Variants in ZNF483 observed in about 807,000 individuals in gnomAD.
ZNF483 encodes the protein zinc finger protein 483, also known as zinc finger protein HIT-10.
Under a neutral mutation model 28.6 loss-of-function variants are expected in ZNF483, and 9 were observed. The observed-to-expected ratio is 0.32, with a 90% confidence interval of 0.19 to 0.55. The LOEUF (loss-of-function observed/expected upper bound fraction) is 0.55, where lower values mean the gene tolerates loss of function less well. ZNF483 is among the 20% of genes least tolerant of loss of function. The pLI, the probability that ZNF483 is intolerant of heterozygous loss-of-function variation, is 0.93. For missense variants in ZNF483, 675 were observed against 871.7 expected (o/e 0.77, Z 2.84); for synonymous variants, 322 against 306.2 (o/e 1.05, Z -0.54).
At chr9:111,571,540 G>A (rs1173657748) in intron 5 of ZNF483, among the ~76,000 whole-genome samples, 1 of 134,520 alleles carries the variant, frequency 7.4e-6, no homozygotes, top group Admixed American at 8.1e-5. Context: ...GTAAAGTGGT[G>A]CCATCACTGC....
Position 111,549,167 on chromosome 9 carries a change from G to A in ZNF483, c.*5997G>A, listed in dbSNP as rs1827869253. 6.6e-6 allele frequency among the ~76,000 whole-genome samples: 1 copy of A among 152,158 alleles called. No homozygotes were observed. The highest frequency in any genetic ancestry group is 1.5e-5 in the Non-Finnish European group (1 of 68,034). On this transcript the variant is annotated 3_prime_UTR_variant, in exon 6 of 6. Transcript: ENST00000309235. ...CTGGAGGTTCTCTGTGTGTGTGAGTGTATAAATAAAGATTTAATTTTGTTT... is the reference window on the plus strand; with the variant it reads ...CTGGAGGTTCTCTGTGTGTGTGAGTATATAAATAAAGATTTAATTTTGTTT...
At chr9:111,561,162 A>G (rs1427669949) in intron 5 of ZNF483, among the ~76,000 whole-genome samples, 1 of 140,896 alleles carries the variant, frequency 7.1e-6, no homozygotes, top group Non-Finnish European at 1.5e-5. Flanking sequence ...AGAGAGAGAG[A>G]GAGAGAGAGA....
chr9:111,527,360 AGT>A lies in ZNF483; in HGVS notation c.-32_-31del. 1 of 1,599,418 alleles carries A rather than the reference AGT, an allele frequency of 6.3e-7. No homozygotes were observed. Among genetic ancestry groups the A allele is most frequent in the Non-Finnish European group, 8.5e-7 (1 of 1,173,160 alleles). On this transcript the variant is annotated 5_prime_UTR_variant, in exon 2 of 6. Coordinates refer to ENST00000309235, the MANE Select transcript of ZNF483 (RefSeq NM_133464.5). ...GTGGACTGTACTGATACTCAACTAG[AGT>A]GTGAAGGGACTGGATTCCTGCCCCT...
At chr9:111,564,286 A>G in intron 5 of ZNF483, 1 of 490,118 alleles carries the variant, frequency 2.0e-6, no homozygotes, top group Middle Eastern at 9.4e-4. Context: ...TTTTATTATT[A>G]TTATTATTAT....
chr9:111,536,050 A>G (rs1259257997), intron 5 of ZNF483, among the ~76,000 whole-genome samples: 2 of 150,950 alleles, frequency 1.3e-5, no homozygotes, highest in African/African-American at 4.9e-5. Context: ...CACCACGCCC[A>G]GCTAATTTTT....
intron 5 of ZNF483, among the ~76,000 whole-genome samples, chr9:111,539,948 A>G (rs551642336): frequency 6.6e-6 from 1 of 152,126 alleles, no homozygotes; most frequent in South Asian, 2.1e-4. Flanking sequence ...TGATCCGCGC[A>G]GGGAGACCCC....
intron 2 of ZNF483, among the ~76,000 whole-genome samples, chr9:111,528,435 T>C (rs1334735000): frequency 1.3e-5 from 2 of 152,162 alleles, no homozygotes; most frequent in East Asian, 1.9e-4. Flanking sequence ...TAAATACAAA[T>C]GTATAAACTA....
At chr9:111,574,922 T>C in intron 5 of ZNF483, 1 of 1,104,832 alleles carries the variant, frequency 9.1e-7, no homozygotes, top group Non-Finnish European at 1.3e-6. Flanking sequence ...CAAGCATTAT[T>C]TTACAATACC....
rs548248872 is a variant in ZNF483 at position 111,553,105 on chromosome 9, T to G, written c.*9935T>G. ...ATGAGTAATTTTGTGTATTCTTTTT[T>G]GACTTACACTCACTAAATGGTTGCT... On this transcript the variant is annotated 3_prime_UTR_variant, in exon 6 of 6. Coordinates refer to ENST00000309235, the MANE Select transcript of ZNF483 (RefSeq NM_133464.5). Among the ~76,000 whole-genome samples the G allele has an allele frequency of 6.6e-6, 1 of 152,344 alleles. No homozygotes were observed. Among genetic ancestry groups the G allele is most frequent in the African/African-American group, 2.4e-5 (1 of 41,586 alleles).
At chr9:111,533,705 T>G (rs1827405583) in intron 3 of ZNF483, 34 bp from the exon 4 acceptor site, 3 of 1,526,292 alleles carry the variant, frequency 2.0e-6, no homozygotes, top group Non-Finnish European at 2.6e-6. Flanking sequence ...TATTTGGGAA[T>G]AATCCAATAC....
At chr9:111,560,294 C>G (rs1179311793), downstream of ZNF483, among the ~76,000 whole-genome samples, 1 of 151,608 alleles carries the variant, frequency 6.6e-6, no homozygotes, top group Non-Finnish European at 1.5e-5. Flanking sequence ...TCCTGGCCAA[C>G]ACAGGGCGTC....
At chr9:111,557,889 CT>C (rs1450926142), downstream of ZNF483, among the ~76,000 whole-genome samples, 2 of 152,140 alleles carry the variant, frequency 1.3e-5, no homozygotes, top group African/African-American at 4.8e-5. Flanking sequence ...TAGCTCATGC[CT>C]GTAATCCCAG....
In ZNF483 at chr9:111,549,260, T is replaced by C. The variant is rs922008584; in HGVS notation, c.*6090T>C. ...ATTTCTTGATCACTGGGGAGAAATATCTTACAATTCTGAAAACACACTGTC... is the reference window on the plus strand; with the variant it reads ...ATTTCTTGATCACTGGGGAGAAATACCTTACAATTCTGAAAACACACTGTC... On this transcript the variant is annotated 3_prime_UTR_variant, in exon 6 of 6. Coordinates refer to ENST00000309235, the MANE Select transcript of ZNF483 (RefSeq NM_133464.5). Among the ~76,000 whole-genome samples, 5 of 152,238 alleles carry C rather than the reference T, an allele frequency of 3.3e-5. No individual in the cohort carries two copies. Among genetic ancestry groups the C allele is most frequent in the Admixed American group, 2.6e-4 (4 of 15,288 alleles).
intron 5 of ZNF483, among the ~76,000 whole-genome samples, chr9:111,566,703 C>A (rs530975332): frequency 6.6e-6 from 1 of 152,098 alleles, no homozygotes; most frequent in South Asian, 2.1e-4. Context: ...TTATTCAGTG[C>A]CTACATTGCT....
Position 111,544,523 on chromosome 9 carries a change from G to A in ZNF483, c.*1353G>A. Reference sequence around the variant, plus strand: ...GTAGCAGCTGCCACCTTTTGATGGGGAATCAACTTTCTGACTTAGCTAGTT... The same window carrying A: ...GTAGCAGCTGCCACCTTTTGATGGGAAATCAACTTTCTGACTTAGCTAGTT... On this transcript the variant is annotated 3_prime_UTR_variant, in exon 6 of 6. Transcript: ENST00000309235. 1 of 230,206 alleles carries A rather than the reference G, an allele frequency of 4.3e-6. No homozygotes were observed. The highest frequency in any genetic ancestry group is 7.2e-6 in the Non-Finnish European group (1 of 139,266). 14.3% of individuals were successfully genotyped at this position (230,206 alleles called of 1,614,324 possible).
At chr9:111,526,560 C>T (rs137901759) in intron 1 of ZNF483, among the ~76,000 whole-genome samples, 1 of 152,118 alleles carries the variant, frequency 6.6e-6, no homozygotes, top group Non-Finnish European at 1.5e-5. Context: ...ATCGCCAGAA[C>T]TTGGCGATTG....
rs1374193200 is a variant in ZNF483 at position 111,542,870 on chromosome 9, A to C, written c.1935A>C (p.Pro645=). 6.2e-7 allele frequency: 1 copy of C among 1,614,124 alleles called. No homozygotes were observed. The highest frequency in any genetic ancestry group is 1.1e-5 in the South Asian group (1 of 91,084). The change falls in exon 6 of 6, where the codon CCA becomes CCC. Residue 645 remains proline, a synonymous_variant. Transcript: ENST00000309235. This position sits in a 1 kb window ranked among gnomAD's most constrained non-coding sequence, Gnocchi z 6.2. ...YKCNQCEKAF[P]THSLLSRHQR... ...GTAACCAGTGTGAGAAAGCCTTCCCAACCCATTCACTGCTAAGTCGTCATC... is the reference window on the plus strand; with the variant it reads ...GTAACCAGTGTGAGAAAGCCTTCCCCACCCATTCACTGCTAAGTCGTCATC...
intron 5 of ZNF483, among the ~76,000 whole-genome samples, chr9:111,564,845 C>G (rs556517540): frequency 6.6e-6 from 1 of 151,950 alleles, no homozygotes; most frequent in South Asian, 2.1e-4. Flanking sequence ...ATTAAGAGGC[C>G]GGGCGCAGTG....
In ZNF483 at chr9:111,550,715, A is replaced by G. The variant is rs1197631221; in HGVS notation, c.*7545A>G. Among the ~76,000 whole-genome samples the G allele has an allele frequency of 6.6e-6, 1 of 152,204 alleles. No individual in the cohort carries two copies. Among genetic ancestry groups the G allele is most frequent in the Non-Finnish European group, 1.5e-5 (1 of 68,036 alleles). On this transcript the variant is annotated 3_prime_UTR_variant, in exon 6 of 6. Transcript: ENST00000309235. Reference sequence around the variant, plus strand: ...GAAGATTTCTTCAACTTTATCTTCCAGCTCTACTATTAAATGTTGTGAATG... The same window carrying G: ...GAAGATTTCTTCAACTTTATCTTCCGGCTCTACTATTAAATGTTGTGAATG...
Sources: gnomAD v4.1 joint callset for allele counts (sites outside exome capture counted in the v4.1 genomes callset) on GRCh38, gnomAD v4.1.1 for gene constraint, Gnocchi (gnomAD v3.1) non-coding constraint, MANE v1.5 for transcripts, NCBI Gene and HGNC (gene_info 2026-07-23, HGNC 2026-07-21) for gene names.